Variants in SHANK2 observed in about 807,000 individuals in gnomAD.
SHANK2 encodes the protein SH3 and multiple ankyrin repeat domains 2, also known as SH3 and multiple ankyrin repeat domains protein 2.
A neutral mutation model predicts 133.7 loss-of-function variants in SHANK2; 43 were observed. The observed-to-expected ratio is 0.32, with a 90% CI of 0.25 to 0.41. The LOEUF (loss-of-function observed/expected upper bound fraction) is 0.41, where lower values mean the gene tolerates loss of function less well. Among genes scored for constraint, SHANK2 ranks in the 10% least tolerant of loss-of-function variants. The pLI is 1.00. For synonymous variants in SHANK2, 1,017 were observed against 952.8 expected (o/e 1.07, Z -1.24); for missense variants, 1,994 against 2,235.8 (o/e 0.89, Z 2.18).
intron 2 of SHANK2, among the ~76,000 whole-genome samples, chr11:71,187,345 T>C (rs1953694702): frequency 6.6e-6 from 1 of 152,136 alleles, no homozygotes; most frequent in Non-Finnish European, 1.5e-5. Flanking sequence ...TCTCATGTTT[T>C]GTTTGGGGAC....
At chr11:71,201,831 G>A (rs1565511344) in intron 2 of SHANK2, among the ~76,000 whole-genome samples, 1 of 152,158 alleles carries the variant, frequency 6.6e-6, no homozygotes, top group Non-Finnish European at 1.5e-5. Flanking sequence ...CAGGGATGAG[G>A]CACCTACTCC....
At chr11:70,779,624 T>G (rs1433781995) in intron 14 of SHANK2, among the ~76,000 whole-genome samples, 2 of 152,174 alleles carry the variant, frequency 1.3e-5, no homozygotes, top group Non-Finnish European at 2.9e-5. Context: ...CGCCCAGAGA[T>G]GTGGGTGACA....
At chr11:71,177,384 G>T (rs1953468029) in intron 2 of SHANK2, among the ~76,000 whole-genome samples, 1 of 152,124 alleles carries the variant, frequency 6.6e-6, no homozygotes, top group African/African-American at 2.4e-5. Context: ...ATAGCACAAA[G>T]GTTGGAGTGG....
rs75771319 is a variant in SHANK2 at position 70,521,707 on chromosome 11, C to T, written c.2062-18776G>A. 6.6e-5 allele frequency among the ~76,000 whole-genome samples: 10 copies of T among 152,118 alleles called. No individual in the cohort carries two copies. In the East Asian group the frequency reaches 7.7e-4, roughly 12 times the overall value. ...GAGCATGTGTGTGGGTGAGTGTGCA[C>T]GTGTGTGTGCACATTCCCTCCCCAC... On this transcript the variant is annotated intron_variant, in intron 17 of 25. Coordinates refer to ENST00000601538, the MANE Select transcript of SHANK2 (RefSeq NM_012309.5).
chr11:70,846,686 G>A (rs1245791498), intron 11 of SHANK2, among the ~76,000 whole-genome samples: 3 of 152,172 alleles, frequency 2.0e-5, no homozygotes, highest in African/African-American at 4.8e-5. Flanking sequence ...AGAAGGCAGC[G>A]TCATCATCCC....
At chr11:70,557,596 C>T (rs1275412731) in intron 17 of SHANK2, among the ~76,000 whole-genome samples, 4 of 152,100 alleles carry the variant, frequency 2.6e-5, no homozygotes, top group East Asian at 3.9e-4. Context: ...GGCAGCACCG[C>T]GGGGCCAGGG....
chr11:70,502,014 G>A (rs1008916226), intron 19 of SHANK2, 83 bp from the exon 20 acceptor site: 30 of 1,468,956 alleles, frequency 2.0e-5, no homozygotes, highest in African/African-American at 1.1e-4. Flanking sequence ...ACAACGCCCC[G>A]CGAGGCTCCG....
chr11:70,697,715 G>T (rs1392470334), intron 15 of SHANK2, among the ~76,000 whole-genome samples: 1 of 152,102 alleles, frequency 6.6e-6, no homozygotes, highest in Non-Finnish European at 1.5e-5. Context: ...CGAGTGCAGG[G>T]GTCTGGGCTG....
chr11:70,776,960 C>A (rs4388911), intron 14 of SHANK2, among the ~76,000 whole-genome samples: 3 of 150,130 alleles, frequency 2.0e-5, no homozygotes, highest in Non-Finnish European at 4.4e-5. Flanking sequence ...CATTGAGATA[C>A]CTACTAACCC....
At position 71,209,379 on chromosome 11, in the gene SHANK2, C is replaced by T. The variant is rs116658363; in HGVS notation, c.-13+15318G>A. Reference sequence around the variant, plus strand: ...CCACGCCCTGCCTCAAGAAAACCCACGTGCAGGGCTGACCCAGGAGGGAGC... The same window carrying T: ...CCACGCCCTGCCTCAAGAAAACCCATGTGCAGGGCTGACCCAGGAGGGAGC... On this transcript the variant is annotated intron_variant, in intron 2 of 25. Transcript: ENST00000601538. 7.7e-3 allele frequency among the ~76,000 whole-genome samples: 1,167 copies of T among 152,348 alleles called. 14 individuals carry two copies. The highest frequency in any genetic ancestry group is 0.026 in the African/African-American group (1,099 of 41,584).
At chr11:70,927,998 T>G (rs1950451985) in intron 10 of SHANK2, among the ~76,000 whole-genome samples, 1 of 152,222 alleles carries the variant, frequency 6.6e-6, no homozygotes, top group Non-Finnish European at 1.5e-5. Context: ...GTGGGACTTC[T>G]CAGCCTCCGT....
chr11:70,525,254 G>T (rs535045877), intron 17 of SHANK2, among the ~76,000 whole-genome samples: 1 of 152,324 alleles, frequency 6.6e-6, no homozygotes, highest in South Asian at 2.1e-4. Context: ...TCTCTGGCTT[G>T]CTCCTGGGCC....
At position 70,786,292 on chromosome 11, in the gene SHANK2, C is replaced by G. The variant is rs782587747; in HGVS notation, c.1777+12151G>C. ...CTGGGGGTAGGACAGTCTATTAGAC[C>G]AAGCCTCACAAAGCAGGGAAGCAGA... On this transcript the variant is annotated intron_variant, in intron 14 of 25. Transcript: ENST00000601538. Among the ~76,000 whole-genome samples, 51 of 152,074 alleles carry G rather than the reference C, an allele frequency of 3.4e-4. 1 individual carries two copies. Among genetic ancestry groups the G allele is most frequent in the Non-Finnish European group, 4.4e-5 (3 of 68,018 alleles).
chr11:70,532,333 C>T (rs1321728632), intron 17 of SHANK2, among the ~76,000 whole-genome samples: 1 of 152,144 alleles, frequency 6.6e-6, no homozygotes, highest in Non-Finnish European at 1.5e-5. Flanking sequence ...GGGTGGTGTT[C>T]AAGTCCACTC....
intron 14 of SHANK2, among the ~76,000 whole-genome samples, chr11:70,707,855 T>G (rs1945699001): frequency 6.6e-6 from 1 of 152,192 alleles, no homozygotes; most frequent in Non-Finnish European, 1.5e-5. Flanking sequence ...CTCTGCTCCC[T>G]GACCACCTCT....
intron 17 of SHANK2, among the ~76,000 whole-genome samples, chr11:70,610,609 C>T (rs2060645166): frequency 6.6e-6 from 1 of 152,218 alleles, no homozygotes; most frequent in Non-Finnish European, 1.5e-5. Flanking sequence ...AAGTAATCCT[C>T]GACTCTCCGT....
chr11:71,210,254 T>TATATATATATATATATATA (rs1565516818), intron 2 of SHANK2, among the ~76,000 whole-genome samples: 1 of 59,960 alleles, frequency 1.7e-5, no homozygotes, highest in African/African-American at 8.5e-5. Context: ...ATATATATAT[T>TATATATATATATATATATA]TATTTATTTT....
intron 17 of SHANK2, among the ~76,000 whole-genome samples, chr11:70,542,627 C>G (rs781866399): frequency 1.9e-4 from 29 of 152,174 alleles, no homozygotes; most frequent in Non-Finnish European, 3.5e-4. Context: ...TCCAACACCT[C>G]CACTCTAACC....
chr11:71,234,295 G>A (rs1204944334), intron 1 of SHANK2, among the ~76,000 whole-genome samples: 3 of 150,950 alleles, frequency 2.0e-5, no homozygotes, highest in Admixed American at 1.3e-4. Flanking sequence ...CTGGGAGGCG[G>A]AGGCTGCAGT....
Sources: gnomAD v4.1 joint callset for allele counts (sites outside exome capture counted in the v4.1 genomes callset) on GRCh38, gnomAD v4.1.1 for gene constraint, MANE v1.5 for transcripts, NCBI Gene and HGNC (gene_info 2026-07-23, HGNC 2026-07-21) for gene names.